The following EIF6 variants were observed in gnomAD, a reference collection of about 807,000 sequenced individuals.
EIF6 encodes the protein eukaryotic translation initiation factor 6.
In EIF6, 10 loss-of-function variants were observed where a neutral mutation model predicts 25.5. The observed-to-expected ratio is 0.39, with a 90% CI of 0.24 to 0.66. The LOEUF (loss-of-function observed/expected upper bound fraction) is 0.66. EIF6 is among the 30% of genes least tolerant of loss of function. The pLI, the probability that EIF6 is intolerant of heterozygous loss-of-function variation, is 0.45. For synonymous variants in EIF6, 122 were observed against 122.6 expected (o/e 1.00, Z 0.03); for missense variants, 246 against 315.4 (o/e 0.78, Z 1.67).
At position 35,279,567 on chromosome 20, in the gene EIF6, T is replaced by G. The variant is rs1237259077; in HGVS notation, c.727A>C (p.Ser243Arg). 4 of 1,613,908 alleles carry G rather than the reference T, an allele frequency of 2.5e-6. No individual in the cohort carries two copies. The highest frequency in any genetic ancestry group is 3.4e-6 in the Non-Finnish European group (4 of 1,179,968). The change falls in exon 6 of 7, where the codon AGC (serine) becomes CGC (arginine). Residue 243 changes from serine to arginine, a missense_variant and splice_region_variant. Coordinates refer to ENST00000374450, the MANE Select transcript of EIF6 (RefSeq NM_002212.4). ...GAAGAAAGGAGAGGCCCCAGGTACCTGTCAATGAGGGAATCCCGCATGCTG... is the reference window on the plus strand; with the variant it reads ...GAAGAAAGGAGAGGCCCCAGGTACCGGTCAATGAGGGAATCCCGCATGCTG... Reference protein sequence around the residue: ...ATSMRDSLIDSLT With the variant: ...ATSMRDSLIDRLT
chr20:35,284,708 C>T lies in EIF6; in HGVS notation c.-6+18G>A. The T allele has an allele frequency of 1.7e-6, 1 of 588,182 alleles. No individual in the cohort carries two copies. Among genetic ancestry groups the T allele is most frequent in the African/African-American group, 1.9e-5 (1 of 53,644 alleles). The allele number at this position is 588,182 out of a possible 1,614,324, so 36.4% of individuals were successfully genotyped here. ...GGACCGGAGCTGACCCTCCCAGGTT[C>T]CCCTCACACCAGCTTACCAAGTAAC... On this transcript the variant is annotated intron_variant, in intron 1 of 6. Transcript: ENST00000374450.
chr20:35,282,211 G>A (rs1600823465), intron 3 of EIF6, among the ~76,000 whole-genome samples: 1 of 152,062 alleles, frequency 6.6e-6, no homozygotes, highest in African/African-American at 2.4e-5. Context: ...GGATGGTCTC[G>A]ATCTCCCGAC....
intron 4 of EIF6, among the ~76,000 whole-genome samples, chr20:35,280,371 C>T (rs2060763718): frequency 6.6e-6 from 1 of 152,214 alleles, no homozygotes; most frequent in Non-Finnish European, 1.5e-5. Context: ...TTTCCCCTCT[C>T]ACCCACAGTC....
chr20:35,283,670 C>T (rs768440512), intron 3 of EIF6, among the ~76,000 whole-genome samples: 4 of 151,998 alleles, frequency 2.6e-5, no homozygotes, highest in Non-Finnish European at 5.9e-5. Context: ...TGTGGTGGCA[C>T]GTGCCTGTGG....
chr20:35,280,991 G>C (rs2060770035), intron 3 of EIF6, among the ~76,000 whole-genome samples, 162 bp from the exon 4 acceptor site: 1 of 152,138 alleles, frequency 6.6e-6, no homozygotes, highest in African/African-American at 2.4e-5. Flanking sequence ...GGGCAGGCCA[G>C]AGACCACCCA....
Position 35,279,662 on chromosome 20 carries a change from G to A in EIF6, c.632C>T (p.Thr211Ile). The change falls in exon 6 of 7, where the codon ACC (threonine) becomes ATC (isoleucine). Residue 211 changes from threonine (T) to isoleucine (I), a missense_variant. Transcript: ENST00000374450. ...DWCAFCGLDT[T>I]STELSVVESV... ...CTCCACCACTGACAGCTCTGTGCTGGTTGTGTCCAGGCCACAGAAGGCACA... is the reference window on the plus strand; with the variant it reads ...CTCCACCACTGACAGCTCTGTGCTGATTGTGTCCAGGCCACAGAAGGCACA... 1.2e-6 allele frequency: 2 copies of A among 1,614,202 alleles called. No individual in the cohort carries two copies. The highest frequency in any genetic ancestry group is 8.5e-7 in the Non-Finnish European group (1 of 1,180,046).
chr20:35,280,774 G>A lies in EIF6; in HGVS notation c.249C>T (p.His83=). 6.2e-7 allele frequency: 1 copy of A among 1,614,184 alleles called. No homozygotes were observed. The highest frequency in any genetic ancestry group is 8.5e-7 in the Non-Finnish European group (1 of 1,180,032). The change falls in exon 4 of 7, where the codon CAC becomes CAT. Residue 83 remains histidine (H), a synonymous_variant. Coordinates refer to ENST00000374450, the MANE Select transcript of EIF6 (RefSeq NM_002212.4). ...CTGTGTCTGGGAGGCTGTTGCGAAT[G>A]TGTTGCAGCTCCTGGTCGGTGGTAT... ...PNNTTDQELQ[H]IRNSLPDTVQ... is the part of the protein sequence containing the mutation.
Position 35,280,962 on chromosome 20 carries a change from C to A in EIF6, c.194-133G>T, listed in dbSNP as rs954653386. On this transcript the variant is annotated intron_variant, in intron 3 of 6. Coordinates refer to ENST00000374450, the MANE Select transcript of EIF6 (RefSeq NM_002212.4). ...GCCCAGAGCCCAGCCCTCCAACCCA[C>A]TGATCTGGAAAACACCCAGGGCAGG... 4.7e-6 allele frequency: 5 copies of A among 1,063,518 alleles called. No individual in the cohort carries two copies. In the African/African-American group the frequency reaches 8.0e-5, roughly 17 times the overall value. 65.9% of individuals were successfully genotyped at this position (1,063,518 alleles called of 1,614,324 possible).
Position 35,284,757 on chromosome 20 carries a change from G to A in EIF6, c.-37C>T, listed in dbSNP as rs950063801. On this transcript the variant is annotated 5_prime_UTR_variant, in exon 1 of 7. Coordinates refer to ENST00000374450, the MANE Select transcript of EIF6 (RefSeq NM_002212.4). ...ACCAGTAACAAGCTCCGCACGCGGC[G>A]ACTGTACCTTGGACTCCCTAAAAAG... 12 of 514,400 alleles carry A rather than the reference G, an allele frequency of 2.3e-5. No homozygotes were observed. The highest frequency in any genetic ancestry group is 1.7e-4 in the African/African-American group (9 of 52,330). 31.9% of individuals were successfully genotyped at this position (514,400 alleles called of 1,614,324 possible). A position where few individuals can be genotyped will look rare whatever the true frequency, so the allele number is the denominator to read the frequency against.
At chr20:35,279,825 C>G in intron 5 of EIF6, 78 bp from the exon 6 acceptor site, 1 of 1,595,788 alleles carries the variant, frequency 6.3e-7, no homozygotes, top group Non-Finnish European at 8.6e-7. Flanking sequence ...CCAAACCCTG[C>G]TCCTCCCTGA....
intron 1 of EIF6, 23 bp from the exon 2 acceptor site, chr20:35,284,515 T>C (rs745905260): frequency 1.3e-6 from 2 of 1,575,692 alleles, no homozygotes; most frequent in African/African-American, 1.3e-5. Flanking sequence ...GAGGCGGGAG[T>C]TCAAGGCCGG....
rs1260960147 is a variant in EIF6, at chr20:35,280,754, T to C, written c.269A>G (p.Asp90Gly). 6.2e-7 allele frequency: 1 copy of C among 1,614,016 alleles called. No homozygotes were observed. The highest frequency in any genetic ancestry group is 1.3e-5 in the African/African-American group (1 of 74,908). Reference sequence around the variant, plus strand: ...CTCCACCCGCCTAATCTGCACTGTGTCTGGGAGGCTGTTGCGAATGTGTTG... The same window carrying C: ...CTCCACCCGCCTAATCTGCACTGTGCCTGGGAGGCTGTTGCGAATGTGTTG... ...ELQHIRNSLP[D>G]TVQIRRVEER... The change falls in exon 4 of 7, where the codon GAC (aspartate) becomes GGC (glycine). Residue 90 changes from aspartate to glycine, a missense_variant. Physicochemically the swap from Asp to Gly is moderately conservative, Grantham distance 94. Coordinates refer to ENST00000374450, the MANE Select transcript of EIF6 (RefSeq NM_002212.4).
chr20:35,280,891 G>A, intron 3 of EIF6, 62 bp from the exon 4 acceptor site: 1 of 1,560,600 alleles, frequency 6.4e-7, no homozygotes, highest in Non-Finnish European at 8.8e-7. Context: ...AGGGGCTGAG[G>A]ATACCACTCA....
chr20:35,283,800 CAAA>C (rs57842071), intron 3 of EIF6, among the ~76,000 whole-genome samples: 27 of 115,032 alleles, frequency 2.3e-4, no homozygotes, highest in Admixed American at 2.8e-4. Context: ...AATCTGGCCT[CAAA>C]AAAAAAAAAA....
intron 4 of EIF6, 31 bp from the exon 5 acceptor site, chr20:35,280,149 CAG>C (rs1215266416): frequency 6.2e-7 from 1 of 1,604,656 alleles, no homozygotes. Context: ...GTTCAGGGCT[CAG>C]AACTTACAGC....
rs1404480608 is a variant in EIF6, at chr20:35,279,225, GCACGGT to G, written c.729-25_729-20del. On this transcript the variant is annotated intron_variant, in intron 6 of 6. Transcript: ENST00000374450. ...GGTGAGGCTGAAGAGAAAGGAAAGC[GCACGGT>G]CAGTAGCTGTTTCACAGAGCCCACC... The G allele has an allele frequency of 3.9e-5, 63 of 1,613,068 alleles. No individual in the cohort carries two copies. Among genetic ancestry groups the G allele is most frequent in the Non-Finnish European group, 5.3e-5 (63 of 1,179,546 alleles).
At position 35,284,239 on chromosome 20, in the gene EIF6, C is replaced by A; in HGVS notation, c.130G>T (p.Asp44Tyr). 1 of 1,612,260 alleles carries A rather than the reference C, an allele frequency of 6.2e-7. No individual in the cohort carries two copies. The highest frequency in any genetic ancestry group is 1.3e-5 in the African/African-American group (1 of 75,016). The change falls in exon 3 of 7, where the codon GAT (aspartate) becomes TAT (tyrosine). Residue 44 changes from aspartate to tyrosine, a missense_variant. Asp to Tyr is a radical substitution (Grantham distance 160). Coordinates refer to ENST00000374450, the MANE Select transcript of EIF6 (RefSeq NM_002212.4). ...GACGCGTGCACCACGGGGATGGTATCGGAGAGCTCGCCCTCGAACACACTG... is the reference window on the plus strand; with the variant it reads ...GACGCGTGCACCACGGGGATGGTATAGGAGAGCTCGCCCTCGAACACACTG... ...FYSVFEGELS[D>Y]TIPVVHASIA...
chr20:35,280,584 G>T, intron 4 of EIF6, 70 bp downstream of exon 4: 1 of 1,559,388 alleles, frequency 6.4e-7, no homozygotes, highest in Non-Finnish European at 8.7e-7. Context: ...GCTGCCTGTT[G>T]GGAAAGAACA....
rs2250205 is a variant in EIF6, at chr20:35,280,121, G to A, written c.370-3C>T. The A allele has an allele frequency of 0.22, 359,390 of 1,613,118 alleles. 42,362 individuals are homozygous for A. The highest frequency in any genetic ancestry group is 0.36 in the South Asian group (32,402 of 91,044). ...TCTGCCAGAATTTCTTCTGTCTCCT[G>A]TCAATCAAAGATATTGTGTTCAGGG... On this transcript the variant is annotated splice_region_variant and splice_polypyrimidine_tract_variant and intron_variant, in intron 4 of 6. Transcript: ENST00000374450.
Sources: allele counts gnomAD v4.1 joint callset (sites outside exome capture counted in the v4.1 genomes callset), GRCh38; gene constraint gnomAD v4.1.1; transcripts MANE v1.5; gene names NCBI Gene and HGNC (gene_info 2026-07-23, HGNC 2026-07-21).